DNAH14: variants seen among roughly 807,000 people sequenced by gnomAD.
The protein encoded by DNAH14 is dynein axonemal heavy chain 14, also known as axonemal beta dynein heavy chain 14.
In DNAH14, 478 loss-of-function variants were observed where a neutral mutation model predicts 520.9. The ratio of observed to expected loss-of-function variants is 0.92; its 90% CI spans 0.85 to 0.99. The LOEUF is 0.99. Among genes scored for constraint, DNAH14 ranks in the 50% least tolerant of loss-of-function variants. DNAH14 has a pLI of 0.00. For missense variants in DNAH14, 4,831 were observed against 5,234.5 expected (o/e 0.92, Z 2.38); for synonymous variants, 1,581 against 1,757.2 (o/e 0.90, Z 2.51).
chr1:225,390,354 G>A (rs147572503), intron 83 of DNAH14, among the ~76,000 whole-genome samples: 13 of 152,284 alleles, frequency 8.5e-5, no homozygotes, highest in African/African-American at 2.9e-4. Flanking sequence ...GAACCGGAGT[G>A]CATTCCAACG....
chr1:225,193,103 A>T (rs951652570), intron 38 of DNAH14, among the ~76,000 whole-genome samples, 192 bp downstream of exon 38: 3 of 152,202 alleles, frequency 2.0e-5, no homozygotes, highest in East Asian at 1.9e-4. Flanking sequence ...GAATTTTTAA[A>T]TGATCAGTAA....
At chr1:224,992,740 G>A (rs1264648726) in intron 8 of DNAH14, among the ~76,000 whole-genome samples, 1 of 151,976 alleles carries the variant, frequency 6.6e-6, no homozygotes, top group Non-Finnish European at 1.5e-5. Context: ...CTACTACTAT[G>A]TTGAATAGAA....
chr1:225,164,886 C>T (rs957468314), intron 35 of DNAH14, among the ~76,000 whole-genome samples: 7 of 152,082 alleles, frequency 4.6e-5, no homozygotes, highest in African/African-American at 1.2e-4. Flanking sequence ...CTTCTGCACA[C>T]TCCTGCTTGT....
intron 71 of DNAH14, among the ~76,000 whole-genome samples, chr1:225,348,962 C>T (rs2095326299): frequency 6.6e-6 from 1 of 152,008 alleles, no homozygotes; most frequent in Non-Finnish European, 1.5e-5. Flanking sequence ...TGCTAAAGCC[C>T]TAAATTAGTA....
chr1:225,173,330 G>C (rs1280670222), intron 36 of DNAH14, among the ~76,000 whole-genome samples: 1 of 152,130 alleles, frequency 6.6e-6, no homozygotes. Flanking sequence ...GCAACCTACA[G>C]AATGGGGGAA....
intron 41 of DNAH14, among the ~76,000 whole-genome samples, chr1:225,215,573 G>T (rs891410670): frequency 6.6e-6 from 1 of 152,116 alleles, no homozygotes; most frequent in Non-Finnish European, 1.5e-5. Context: ...ATGAATCTGG[G>T]TGCTCTTGTA....
intron 8 of DNAH14, among the ~76,000 whole-genome samples, chr1:224,999,457 G>A (rs1232218556): frequency 6.6e-6 from 1 of 152,052 alleles, no homozygotes; most frequent in South Asian, 2.1e-4. Context: ...TTCCTGCCTC[G>A]GCCTCCCAGA....
intron 41 of DNAH14, among the ~76,000 whole-genome samples, chr1:225,214,964 T>A (rs12089294): frequency 0.015 from 2,328 of 152,312 alleles, 51 homozygotes; most frequent in East Asian, 0.053. Context: ...TGAATGTGAT[T>A]GCTCTTGCTT....
chr1:225,145,773 A>G (rs987478368), intron 30 of DNAH14, among the ~76,000 whole-genome samples: 1 of 152,228 alleles, frequency 6.6e-6, no homozygotes, highest in African/African-American at 2.4e-5. Context: ...TTAAGACAAG[A>G]TTATGATTAA....
intron 41 of DNAH14, among the ~76,000 whole-genome samples, chr1:225,216,152 C>T (rs12722900): frequency 0.13 from 19,427 of 152,012 alleles, 1,385 homozygotes; most frequent in East Asian, 0.31. Context: ...CCTTCACTTA[C>T]GAAGCTTAGT....
chr1:225,263,271 T>C (rs2093002874), intron 46 of DNAH14, among the ~76,000 whole-genome samples: 1 of 151,484 alleles, frequency 6.6e-6, no homozygotes, highest in Admixed American at 6.6e-5. Flanking sequence ...TATATAATAC[T>C]TGGATATCTT....
chr1:225,354,093 T>C (rs999250636), intron 73 of DNAH14: 12 of 701,102 alleles, frequency 1.7e-5, no homozygotes, highest in Non-Finnish European at 3.2e-5. Flanking sequence ...ATTCCTGGAG[T>C]CCCTCTGTCC....
intron 60 of DNAH14, among the ~76,000 whole-genome samples, chr1:225,311,445 T>G (rs1223574458): frequency 2.0e-5 from 3 of 152,224 alleles, no homozygotes; most frequent in Non-Finnish European, 4.4e-5. Flanking sequence ...CGGAAGCTCT[T>G]TAGTTTAATT....
intron 21 of DNAH14, among the ~76,000 whole-genome samples, chr1:225,086,273 C>T (rs2073782973): frequency 6.7e-6 from 1 of 149,902 alleles, no homozygotes. Context: ...GCTGGGACTA[C>T]AGGTGCCCGC....
In DNAH14 at chr1:224,999,133, A is replaced by G. The variant is rs376734338; in HGVS notation, c.831-3650A>G. ...TATCTTTCCCATCCTTTTACTTTTG[A>G]TATGCCTATTATTTGAAGTGAGTTT... On this transcript the variant is annotated intron_variant, in intron 8 of 85. Transcript: ENST00000682510. 4.1e-5 allele frequency among the ~76,000 whole-genome samples: 6 copies of G among 144,858 alleles called. No individual in the cohort carries two copies. In the East Asian group the frequency reaches 1.2e-3, roughly 30 times the overall value.
rs79004026 is a variant in DNAH14 at position 225,015,205 on chromosome 1, C to G, written c.1107+7661C>G. Among the ~76,000 whole-genome samples, 1,335 of 152,186 alleles carry G rather than the reference C, an allele frequency of 8.8e-3. 9 individuals are homozygous for G. The highest frequency in any genetic ancestry group is 0.027 in the Middle Eastern group (8 of 294). On this transcript the variant is annotated intron_variant, in intron 10 of 85. Coordinates refer to ENST00000682510, the MANE Select transcript of DNAH14 (RefSeq NM_001367479.1). ...ATGTCTTTACAGGTGTGGTAGGTTTCTTGTAGGCAGCATATAGTTGAGTCT... is the reference window on the plus strand; with the variant it reads ...ATGTCTTTACAGGTGTGGTAGGTTTGTTGTAGGCAGCATATAGTTGAGTCT...
intron 45 of DNAH14, among the ~76,000 whole-genome samples, chr1:225,258,484 T>A (rs1274796109): frequency 6.6e-6 from 1 of 152,158 alleles, no homozygotes; most frequent in Non-Finnish European, 1.5e-5. Context: ...ATATTAAGAT[T>A]TTTCTATCTT....
chr1:225,360,132 A>G (rs12722848), intron 74 of DNAH14, among the ~76,000 whole-genome samples: 23,572 of 152,194 alleles, frequency 0.15, 1,964 homozygotes, highest in East Asian at 0.27. Flanking sequence ...GTTTGCTGAG[A>G]TAGTGGCTTC....
Position 225,258,264 on chromosome 1 carries a change from G to T in DNAH14, c.7024+146G>T, listed in dbSNP as rs556980990. 2.0e-4 allele frequency: 146 copies of T among 747,052 alleles called. 1 individual carries two copies. In the African/African-American group the frequency reaches 2.6e-3, roughly 13 times the overall value. The allele number at this position is 747,052 out of a possible 1,614,324, so 46.3% of individuals were successfully genotyped here. On this transcript the variant is annotated intron_variant, in intron 45 of 85. Coordinates refer to ENST00000682510, the MANE Select transcript of DNAH14 (RefSeq NM_001367479.1). ...ATATTAATTTATTTTCTTACCAGCA[G>T]TTTATGAACACCCATTTTTCCACAT... is the stretch of plus-strand genomic sequence containing the variant.
Sources: gnomAD v4.1 joint callset for allele counts (sites outside exome capture counted in the v4.1 genomes callset) on GRCh38, gnomAD v4.1.1 for gene constraint, MANE v1.5 for transcripts, NCBI Gene and HGNC (gene_info 2026-07-23, HGNC 2026-07-21) for gene names.